Variants in GGACT observed in about 807,000 individuals in gnomAD.
GGACT encodes the protein gamma-glutamylamine cyclotransferase.
For missense variants in GGACT, 241 were observed against 233.2 expected (o/e 1.03, Z -0.22); for synonymous variants, 118 against 115.3 (o/e 1.02, Z -0.15).
chr13:100,559,435 C>G (rs535573901), intron 2 of GGACT, among the ~76,000 whole-genome samples: 1 of 152,284 alleles, frequency 6.6e-6, no homozygotes, highest in Admixed American at 6.5e-5. Context: ...GATCTACCCC[C>G]CTCGGCCTCC....
intron 2 of GGACT, among the ~76,000 whole-genome samples, chr13:100,544,728 A>C: frequency 6.6e-6 from 1 of 152,238 alleles, no homozygotes; most frequent in East Asian, 1.9e-4. Context: ...GCCAAATATA[A>C]ATAACGATTT....
chr13:100,581,137 C>G (rs992229481), intron 2 of GGACT, among the ~76,000 whole-genome samples: 1 of 152,200 alleles, frequency 6.6e-6, no homozygotes, highest in African/African-American at 2.4e-5. Context: ...TGTATATACA[C>G]AGGTCAGTAC....
At chr13:100,575,265 C>T (rs969125001) in intron 2 of GGACT, among the ~76,000 whole-genome samples, 4 of 152,184 alleles carry the variant, frequency 2.6e-5, no homozygotes, top group Non-Finnish European at 5.9e-5. Flanking sequence ...TTAGCAATGA[C>T]CTGTGTACCC....
intron 2 of GGACT, among the ~76,000 whole-genome samples, chr13:100,562,696 T>C (rs1388869228): frequency 6.6e-6 from 1 of 151,230 alleles, no homozygotes; most frequent in Non-Finnish European, 1.5e-5. Flanking sequence ...CTTGGGAGGC[T>C]GAGGCACGAG....
intron 2 of GGACT, chr13:100,580,028 G>T (rs1285905702): frequency 6.6e-6 from 1 of 152,282 alleles, no homozygotes; most frequent in East Asian, 1.9e-4. Context: ...GGAAAGAGGG[G>T]CCTGCTGGGT....
intron 2 of GGACT, among the ~76,000 whole-genome samples, chr13:100,567,294 AT>A (rs1242564490): frequency 3.9e-5 from 6 of 152,172 alleles, no homozygotes; most frequent in Admixed American, 3.3e-4. Context: ...TTGTTCATTT[AT>A]TTATTTGTAT....
intron 2 of GGACT, among the ~76,000 whole-genome samples, chr13:100,564,235 G>T (rs889023061): frequency 2.0e-5 from 3 of 152,230 alleles, no homozygotes; most frequent in Admixed American, 6.5e-5. Context: ...ATCATTGATT[G>T]TGGGAAGGGT....
At chr13:100,553,651 C>G (rs1318402244) in intron 2 of GGACT, among the ~76,000 whole-genome samples, 2 of 152,080 alleles carry the variant, frequency 1.3e-5, no homozygotes, top group African/African-American at 4.8e-5. Context: ...CGGGACCAGC[C>G]TGGCCAATAA....
rs900421120 is a variant in GGACT at position 100,531,851 on chromosome 13, G to A, written c.*279C>T. 1.1e-5 allele frequency: 4 copies of A among 353,704 alleles called. No homozygotes were observed. The highest frequency in any genetic ancestry group is 2.0e-5 in the Non-Finnish European group (4 of 196,858). 21.9% of individuals were successfully genotyped at this position (353,704 alleles called of 1,614,324 possible). On this transcript the variant is annotated 3_prime_UTR_variant, in exon 3 of 3. Coordinates refer to ENST00000683975, the MANE Select transcript of GGACT (RefSeq NM_001195087.2). ...GCAGAGCCAACAGCAGAAACAACACGAGGAGGAAGAAGAATTAGGCATAAC... is the reference window on the plus strand; with the variant it reads ...GCAGAGCCAACAGCAGAAACAACACAAGGAGGAAGAAGAATTAGGCATAAC...
chr13:100,544,892 C>T (rs1371475727), intron 2 of GGACT, among the ~76,000 whole-genome samples: 5 of 152,262 alleles, frequency 3.3e-5, no homozygotes, highest in African/African-American at 4.8e-5. Context: ...GGCCAGGGAA[C>T]GAGCTCTATG....
rs2088392612 is a variant in GGACT, at chr13:100,531,863, G to T, written c.*267C>A. ...GCAGAAACAACACGAGGAGGAAGAA[G>T]AATTAGGCATAACACGAGTTCTCTA... is the stretch of plus-strand genomic sequence containing the variant. On this transcript the variant is annotated 3_prime_UTR_variant, in exon 3 of 3. Coordinates refer to ENST00000683975, the MANE Select transcript of GGACT (RefSeq NM_001195087.2). The T allele has an allele frequency of 2.6e-6, 1 of 380,852 alleles. No homozygotes were observed. Among genetic ancestry groups the T allele is most frequent in the Admixed American group, 4.1e-5 (1 of 24,406 alleles). The allele number at this position is 380,852 out of a possible 1,614,324, so 23.6% of individuals were successfully genotyped here. A position where few individuals can be genotyped will look rare whatever the true frequency, so the allele number is the denominator to read the frequency against.
At chr13:100,587,332 A>G (rs1875609708) in intron 1 of GGACT, among the ~76,000 whole-genome samples, 2 of 152,168 alleles carry the variant, frequency 1.3e-5, no homozygotes, top group South Asian at 4.1e-4. Flanking sequence ...ACCCTCTCCT[A>G]ACTAGTAGTA....
intron 2 of GGACT, among the ~76,000 whole-genome samples, chr13:100,559,949 C>A (rs1456560281): frequency 6.6e-6 from 1 of 152,152 alleles, no homozygotes; most frequent in Non-Finnish European, 1.5e-5. Context: ...TGTACAGATA[C>A]AATAACATGC....
Position 100,563,018 on chromosome 13 carries a change from A to T in GGACT, c.-11+20807T>A, listed in dbSNP as rs560550790. Among the ~76,000 whole-genome samples the T allele has an allele frequency of 2.7e-4, 41 of 152,168 alleles. No homozygotes were observed. The South Asian group carries it at 8.5e-3, about 32-fold the overall frequency. ...CACACAATCTTACTTATATAAATCA[A>T]GCCAAGCAGAGGCTTCCAGAGAAAC... On this transcript the variant is annotated intron_variant, in intron 2 of 2. Coordinates refer to ENST00000683975, the MANE Select transcript of GGACT (RefSeq NM_001195087.2).
intron 2 of GGACT, 128 bp from the exon 3 acceptor site, chr13:100,532,729 G>C (rs2088432037): frequency 2.9e-6 from 2 of 678,994 alleles, no homozygotes; most frequent in South Asian, 3.8e-5. Context: ...GCTGTGCTCA[G>C]ATAAGGCGTT....
At chr13:100,539,192 T>C (rs2088526158) in intron 2 of GGACT, 1 of 152,242 alleles carries the variant, frequency 6.6e-6, no homozygotes, top group South Asian at 2.1e-4. Context: ...TGGATGCCTT[T>C]TAAATTTCTT....
At chr13:100,565,442 T>C (rs2088802003) in intron 2 of GGACT, among the ~76,000 whole-genome samples, 1 of 152,166 alleles carries the variant, frequency 6.6e-6, no homozygotes. Context: ...ATAACAGCCC[T>C]GATATTTCAC....
rs200122304 is a variant in GGACT, at chr13:100,553,856, A to AG, written c.-10-21256_-10-21255insC. 5.9e-3 allele frequency among the ~76,000 whole-genome samples: 888 copies of AG among 151,614 alleles called. 8 individuals carry two copies. The highest frequency in any genetic ancestry group is 0.02 in the African/African-American group (837 of 41,238). On this transcript the variant is annotated intron_variant, in intron 2 of 2. Transcript: ENST00000683975. ...GAGACTCCATCTCAAAAAAAAAAAA[A>AG]AAAAGGTAGTAACAGCCAAAATGAA... is the stretch of plus-strand genomic sequence containing the variant.
intron 1 of GGACT, chr13:100,588,494 GC>G (rs1379164710): frequency 2.6e-5 from 4 of 152,174 alleles, no homozygotes; most frequent in Admixed American, 1.3e-4. Context: ...TGGCAATCGC[GC>G]CCGTGGCCCC....
Sources: allele counts gnomAD v4.1 joint callset (sites outside exome capture counted in the v4.1 genomes callset), GRCh38; gene constraint gnomAD v4.1.1; transcripts MANE v1.5; gene names NCBI Gene and HGNC (gene_info 2026-07-23, HGNC 2026-07-21).